ST6GALNAC3: variants seen among roughly 807,000 people sequenced by gnomAD.
ST6GALNAC3 encodes the protein ST6 N-acetylgalactosaminide alpha-2,6-sialyltransferase 3.
Under a neutral mutation model 32.7 loss-of-function variants are expected in ST6GALNAC3, and 25 were observed. The ratio of observed to expected loss-of-function variants is 0.76; its 90% confidence interval spans 0.56 to 1.07. ST6GALNAC3 has a LOEUF of 1.07. Among genes scored for constraint, ST6GALNAC3 ranks in the 50% least tolerant of loss-of-function variants. ST6GALNAC3 has a pLI of 0.00. For missense variants in ST6GALNAC3, 355 were observed against 382.4 expected, an observed-to-expected ratio of 0.93 and a Z score of 0.60; for synonymous variants, 129 against 133.1, an observed-to-expected ratio of 0.97 and a Z score of 0.21.
chr1:76,547,558 C>T (rs189948229), intron 3 of ST6GALNAC3, among the ~76,000 whole-genome samples: 2 of 152,236 alleles, frequency 1.3e-5, no homozygotes, highest in African/African-American at 4.8e-5. Flanking sequence ...AAAGGGTGTA[C>T]TTTCTGGACT....
intron 3 of ST6GALNAC3, among the ~76,000 whole-genome samples, chr1:76,538,698 A>G (rs1663788643): frequency 6.6e-6 from 1 of 152,172 alleles, no homozygotes; most frequent in South Asian, 2.1e-4. Context: ...ATGTGCAAAA[A>G]TCACATGCAT....
chr1:76,306,071 A>C (rs1323881293), intron 1 of ST6GALNAC3: 3 of 325,796 alleles, frequency 9.2e-6, no homozygotes, highest in African/African-American at 4.3e-5. Flanking sequence ...TACCTAATTC[A>C]TATGGAAAAT....
At chr1:76,344,873 G>A (rs1277434049) in intron 2 of ST6GALNAC3, among the ~76,000 whole-genome samples, 2 of 152,164 alleles carry the variant, frequency 1.3e-5, no homozygotes, top group African/African-American at 2.4e-5. Context: ...AGAAGGTGAT[G>A]TCTAATGTTT....
chr1:76,436,742 T>A (rs1656172879), intron 3 of ST6GALNAC3, among the ~76,000 whole-genome samples: 1 of 152,140 alleles, frequency 6.6e-6, no homozygotes, highest in South Asian at 2.1e-4. Context: ...TACAAGGAAT[T>A]GAGACATAGT....
intron 3 of ST6GALNAC3, among the ~76,000 whole-genome samples, chr1:76,535,140 T>A (rs1365115322): frequency 1.3e-5 from 2 of 152,044 alleles, no homozygotes; most frequent in African/African-American, 4.8e-5. Flanking sequence ...TGAGAAAACA[T>A]CCTATGGTTC....
chr1:76,466,654 T>C lies in ST6GALNAC3; in HGVS notation c.623+54237T>C, dbSNP rs1286458317. On this transcript the variant is annotated intron_variant, in intron 3 of 4. Transcript: ENST00000328299. The stretch of plus-strand genomic sequence containing the variant: ...TGTGTAAGGAGTAATTTAGAAGAAT[T>C]CAGAAGGCTAAGATGTTCACTGCAG... Among the ~76,000 whole-genome samples the C allele has an allele frequency of 9.9e-5, 15 of 152,088 alleles. 1 individual carries two copies. Among genetic ancestry groups the C allele is most frequent in the Non-Finnish European group, 2.9e-5 (2 of 67,978 alleles).
intron 2 of ST6GALNAC3, among the ~76,000 whole-genome samples, chr1:76,405,122 C>T (rs1054943900): frequency 1.2e-4 from 18 of 152,154 alleles, no homozygotes; most frequent in African/African-American, 4.1e-4. Context: ...ATAGAATTAG[C>T]AGGTTTGGTT....
chr1:76,621,826 G>A (rs944701710), intron 3 of ST6GALNAC3, among the ~76,000 whole-genome samples: 2 of 152,034 alleles, frequency 1.3e-5, no homozygotes, highest in African/African-American at 4.8e-5. Flanking sequence ...TCCGTAGGAA[G>A]GTATCTGAAA....
At position 76,313,787 on chromosome 1, in the gene ST6GALNAC3, T is replaced by C. The variant is rs753939811; in HGVS notation, c.19-18T>C. On this transcript the variant is annotated intron_variant, in intron 1 of 4. Coordinates refer to ENST00000328299, the MANE Select transcript of ST6GALNAC3 (RefSeq NM_152996.4). ...GAAAGTCATTCGTTCTTCTTTTTGT[T>C]TTTTTAATGTTTTGTAGAGAAAGTC... The C allele has an allele frequency of 1.2e-6, 2 of 1,611,148 alleles. No homozygotes were observed. Among genetic ancestry groups the C allele is most frequent in the Non-Finnish European group, 1.7e-6 (2 of 1,178,706 alleles).
chr1:76,164,991 T>A (rs1652033231), intron 1 of ST6GALNAC3, among the ~76,000 whole-genome samples: 1 of 152,198 alleles, frequency 6.6e-6, no homozygotes, highest in African/African-American at 2.4e-5. Flanking sequence ...GCATATTTGC[T>A]ATATAGGTAA....
chr1:76,291,261 G>T (rs1660069714), intron 1 of ST6GALNAC3, among the ~76,000 whole-genome samples: 1 of 152,250 alleles, frequency 6.6e-6, no homozygotes, highest in Admixed American at 6.5e-5. Flanking sequence ...TCCCCAGCAC[G>T]TTGGAGGGGC....
chr1:76,285,418 G>A (rs1184934447), intron 1 of ST6GALNAC3, among the ~76,000 whole-genome samples: 1 of 151,740 alleles, frequency 6.6e-6, no homozygotes, highest in Non-Finnish European at 1.5e-5. Flanking sequence ...GTGTACATGT[G>A]TGTGTAATGT....
intron 1 of ST6GALNAC3, among the ~76,000 whole-genome samples, chr1:76,257,410 G>GTAGCC (rs1272921278): frequency 6.6e-6 from 1 of 152,086 alleles, no homozygotes; most frequent in Non-Finnish European, 1.5e-5. Flanking sequence ...CAGTCACTGG[G>GTAGCC]TAGCCCCCTG....
intron 2 of ST6GALNAC3, among the ~76,000 whole-genome samples, chr1:76,323,336 G>A (rs1417996436): frequency 6.6e-6 from 1 of 152,166 alleles, no homozygotes; most frequent in Non-Finnish European, 1.5e-5. Context: ...GACAGTCACT[G>A]TGTTAAGTAT....
At chr1:76,560,513 A>G (rs902527494) in intron 3 of ST6GALNAC3, among the ~76,000 whole-genome samples, 1 of 152,244 alleles carries the variant, frequency 6.6e-6, no homozygotes, top group African/African-American at 2.4e-5. Flanking sequence ...CAATTAAAAA[A>G]TGAGCAAAAT....
At chr1:76,451,855 A>G (rs1657428614) in intron 3 of ST6GALNAC3, among the ~76,000 whole-genome samples, 1 of 152,190 alleles carries the variant, frequency 6.6e-6, no homozygotes. Flanking sequence ...CAATTATATC[A>G]TCAGCAAACA....
intron 2 of ST6GALNAC3, among the ~76,000 whole-genome samples, chr1:76,357,130 C>CTTTCTT (rs1165946045): frequency 1.3e-4 from 14 of 111,182 alleles, no homozygotes; most frequent in African/African-American, 2.7e-4. Flanking sequence ...TTTTCTTTTT[C>CTTTCTT]TTTTTTTTTT....
chr1:76,456,506 G>A (rs1423931389), intron 3 of ST6GALNAC3, among the ~76,000 whole-genome samples: 3 of 151,900 alleles, frequency 2.0e-5, no homozygotes, highest in Non-Finnish European at 2.9e-5. Context: ...ACCACATCTG[G>A]CTAATAGATA....
intron 1 of ST6GALNAC3, among the ~76,000 whole-genome samples, chr1:76,201,069 G>GA (rs1210820311): frequency 6.6e-6 from 1 of 151,906 alleles, no homozygotes; most frequent in African/African-American, 2.4e-5. Context: ...AAAAAAGAAG[G>GA]AAAAAAGGCC....
Sources: gnomAD v4.1 joint callset for allele counts (sites outside exome capture counted in the v4.1 genomes callset) on GRCh38, gnomAD v4.1.1 for gene constraint, MANE v1.5 for transcripts, NCBI Gene and HGNC (gene_info 2026-07-23, HGNC 2026-07-21) for gene names.